The following SLC25A21 variants were observed in gnomAD, a reference collection of about 807,000 sequenced individuals.
SLC25A21 encodes mitochondrial 2-oxodicarboxylate carrier.
SLC25A21 carries 47 observed loss-of-function variants against 43.8 expected under a neutral mutation model. That is an observed-to-expected ratio of 1.07 (90% CI 0.85 to 1.37). The LOEUF (loss-of-function observed/expected upper bound fraction) is 1.37, where lower values mean the gene tolerates loss of function less well. Among genes scored for constraint, SLC25A21 ranks in the 40% most tolerant of loss-of-function variants. The pLI, the probability that SLC25A21 is intolerant of heterozygous loss-of-function variation, is 0.00. For missense variants in SLC25A21, 352 were observed against 350.2 expected, an observed-to-expected ratio of 1.00 and a Z score of -0.04; for synonymous variants, 131 against 121.3, an observed-to-expected ratio of 1.08 and a Z score of -0.52.
chr14:36,775,308 T>C (rs1047827505), intron 3 of SLC25A21, among the ~76,000 whole-genome samples: 1 of 152,176 alleles, frequency 6.6e-6, no homozygotes, highest in African/African-American at 2.4e-5. Flanking sequence ...AATATTTAGA[T>C]AGATTCACTC....
At chr14:36,981,904 C>T (rs1229443568) in intron 1 of SLC25A21, among the ~76,000 whole-genome samples, 1 of 152,006 alleles carries the variant, frequency 6.6e-6, no homozygotes, top group Non-Finnish European at 1.5e-5. Context: ...CACTCAATAC[C>T]TAACAGGCGA....
At position 36,678,841 on chromosome 14, in the gene SLC25A21, A is replaced by G; in HGVS notation, c.*1817T>C. The G allele has an allele frequency of 3.1e-6, 3 of 980,192 alleles. No homozygotes were observed. The highest frequency in any genetic ancestry group is 4.8e-5 in the South Asian group (1 of 20,856). The allele number at this position is 980,192 out of a possible 1,614,324, so 60.7% of individuals were successfully genotyped here. ...TCTTAACAGTGAATTCACATGGAGT[A>G]ATTTTTAAAAGATATCAGATACAAT... On this transcript the variant is annotated 3_prime_UTR_variant, in exon 10 of 10. Transcript: ENST00000331299.
chr14:36,793,185 T>C (rs1887553066), intron 3 of SLC25A21, among the ~76,000 whole-genome samples: 1 of 152,214 alleles, frequency 6.6e-6, no homozygotes, highest in African/African-American at 2.4e-5. Context: ...AAATATATTA[T>C]GATCTGATCA....
intron 1 of SLC25A21, among the ~76,000 whole-genome samples, chr14:36,978,942 G>T (rs1238490022): frequency 6.6e-6 from 1 of 152,094 alleles, no homozygotes; most frequent in Admixed American, 6.5e-5. Flanking sequence ...ACAAAAATTA[G>T]CCAGACGTGC....
At chr14:36,902,088 A>C (rs184582832) in intron 1 of SLC25A21, among the ~76,000 whole-genome samples, 1 of 152,332 alleles carries the variant, frequency 6.6e-6, no homozygotes, top group Admixed American at 6.5e-5. Context: ...TAAGTTACTT[A>C]TGTTTGGCAT....
chr14:36,930,778 TG>T (rs1892265798), intron 1 of SLC25A21, among the ~76,000 whole-genome samples: 1 of 152,160 alleles, frequency 6.6e-6, no homozygotes, highest in African/African-American at 2.4e-5. Context: ...CTTCATGGTC[TG>T]GCATCCACAT....
chr14:36,926,906 C>T (rs930934293), intron 1 of SLC25A21, among the ~76,000 whole-genome samples: 1 of 152,076 alleles, frequency 6.6e-6, no homozygotes, highest in African/African-American at 2.4e-5. Flanking sequence ...GTGGCTTATG[C>T]CTGGGAGGCA....
intron 3 of SLC25A21, among the ~76,000 whole-genome samples, chr14:36,810,364 A>G (rs561965544): frequency 1.3e-5 from 2 of 152,328 alleles, no homozygotes; most frequent in South Asian, 4.1e-4. Flanking sequence ...GCCACGTTCA[A>G]TTCAGGGATA....
chr14:36,822,147 C>A (rs1257612041), intron 2 of SLC25A21, among the ~76,000 whole-genome samples: 1 of 152,170 alleles, frequency 6.6e-6, no homozygotes, highest in African/African-American at 2.4e-5. Flanking sequence ...AATAGAGATT[C>A]TAGGAACTTG....
chr14:36,786,717 C>T (rs181775499), intron 3 of SLC25A21, among the ~76,000 whole-genome samples: 33 of 152,092 alleles, frequency 2.2e-4, no homozygotes, highest in South Asian at 6.2e-4. Context: ...AATGTCCCCG[C>T]GTTGTAAAAT....
chr14:36,850,670 A>G (rs1461758805), intron 2 of SLC25A21, among the ~76,000 whole-genome samples: 1 of 152,094 alleles, frequency 6.6e-6, no homozygotes, highest in Non-Finnish European at 1.5e-5. Context: ...TTTTCTCCAT[A>G]TTACCTCTAC....
intron 3 of SLC25A21, among the ~76,000 whole-genome samples, chr14:36,779,447 AAAG>A (rs1413968147): frequency 1.5e-5 from 2 of 134,742 alleles, no homozygotes; most frequent in South Asian, 2.4e-4. Context: ...GCTTTAAAAA[AAAG>A]AAGGAATTAT....
rs1594484461 is a variant in SLC25A21, at chr14:36,684,170, A to G, written c.786-290T>C. 2.6e-5 allele frequency among the ~76,000 whole-genome samples: 4 copies of G among 152,314 alleles called. No individual in the cohort carries two copies. The East Asian group carries it at 7.7e-4, about 29-fold the overall frequency. ...GGTCTTACTTTCAAGACAGCTGTGT[A>G]TATGGACAGAATGACTTTTGTAATT... On this transcript the variant is annotated intron_variant, in intron 8 of 9. Coordinates refer to ENST00000331299, the MANE Select transcript of SLC25A21 (RefSeq NM_030631.4).
In SLC25A21 at chr14:36,874,945, C is replaced by T. The variant is rs752907245; in HGVS notation, c.119+11G>A. 1.7e-5 allele frequency: 27 copies of T among 1,607,202 alleles called. No individual in the cohort carries two copies. In the Admixed American group the frequency reaches 4.4e-4, roughly 26 times the overall value. ...CCAAAGTCAATAAAACTTGTTCATG[C>T]AGAACCTTACCTGGTTTTCACCACA... On this transcript the variant is annotated intron_variant, in intron 2 of 9. Coordinates refer to ENST00000331299, the MANE Select transcript of SLC25A21 (RefSeq NM_030631.4).
At chr14:36,814,410 G>A (rs1231298322) in intron 2 of SLC25A21, among the ~76,000 whole-genome samples, 1 of 151,968 alleles carries the variant, frequency 6.6e-6, no homozygotes, top group Non-Finnish European at 1.5e-5. Flanking sequence ...TAGTATGAAG[G>A]TTAAAAATAC....
At chr14:36,776,774 A>G (rs11846596) in intron 3 of SLC25A21, among the ~76,000 whole-genome samples, 71,064 of 151,822 alleles carry the variant, frequency 0.47, 17,765 homozygotes, top group East Asian at 0.69. Flanking sequence ...TCTATTTCAC[A>G]GAGTAAATAG....
chr14:36,863,664 A>G (rs1355762864), intron 2 of SLC25A21, among the ~76,000 whole-genome samples: 1 of 152,192 alleles, frequency 6.6e-6, no homozygotes, highest in Non-Finnish European at 1.5e-5. Context: ...AATAAGATTA[A>G]AAAATAATTT....
At chr14:36,977,380 T>A (rs1338761490) in intron 1 of SLC25A21, among the ~76,000 whole-genome samples, 1 of 152,200 alleles carries the variant, frequency 6.6e-6, no homozygotes, top group Non-Finnish European at 1.5e-5. Flanking sequence ...TAGTAAATGC[T>A]TGTGCTTGAA....
intron 1 of SLC25A21, among the ~76,000 whole-genome samples, chr14:36,958,471 T>C (rs1330189228): frequency 6.6e-6 from 1 of 152,214 alleles, no homozygotes; most frequent in Non-Finnish European, 1.5e-5. Context: ...TGTTTCATCA[T>C]GGTTCTTTAC....
Sources: allele counts gnomAD v4.1 joint callset (sites outside exome capture counted in the v4.1 genomes callset), GRCh38; gene constraint gnomAD v4.1.1; transcripts MANE v1.5; gene names NCBI Gene and HGNC (gene_info 2026-07-23, HGNC 2026-07-21).